STN1: variants seen among roughly 807,000 people sequenced by gnomAD.
STN1 encodes STN1 subunit of CST complex, also known as CST complex subunit STN1.
STN1 carries 29 observed loss-of-function variants against 45.5 expected under a neutral mutation model. The ratio of observed to expected loss-of-function variants is 0.64; its 90% confidence interval spans 0.47 to 0.87. The LOEUF (loss-of-function observed/expected upper bound fraction) is 0.87, where lower values mean the gene tolerates loss of function less well. Among genes scored for constraint, STN1 ranks in the 40% least tolerant of loss-of-function variants. STN1 has a pLI of 0.00. For missense variants in STN1, 376 were observed against 441.4 expected (o/e 0.85, Z 1.33); for synonymous variants, 148 against 159.0 (o/e 0.93, Z 0.52).
At chr10:103,892,404 A>C in intron 7 of STN1, 152 bp from the exon 8 acceptor site, 1 of 640,062 alleles carries the variant, frequency 1.6e-6, no homozygotes. Flanking sequence ...GCCTAGCAGG[A>C]TGGTATTTAA....
chr10:103,906,395 GC>G (rs1372789014), intron 3 of STN1, among the ~76,000 whole-genome samples: 1 of 152,224 alleles, frequency 6.6e-6, no homozygotes, highest in African/African-American at 2.4e-5. Flanking sequence ...GGTGGCTCAT[GC>G]CTATAATCCC....
At chr10:103,885,612 C>T (rs1843098327) in intron 9 of STN1, among the ~76,000 whole-genome samples, 1 of 151,926 alleles carries the variant, frequency 6.6e-6, no homozygotes. Flanking sequence ...GCTATGTTGC[C>T]CAGGCTGGTC....
Position 103,882,946 on chromosome 10 carries a change from G to C in STN1, c.950-105C>G. 4.5e-6 allele frequency: 5 copies of C among 1,108,040 alleles called. No homozygotes were observed. The South Asian group carries it at 8.2e-5, about 18-fold the overall frequency. The allele number at this position is 1,108,040 out of a possible 1,614,324, so 68.6% of individuals were successfully genotyped here. On this transcript the variant is annotated intron_variant, in intron 9 of 9. Coordinates refer to ENST00000224950, the MANE Select transcript of STN1 (RefSeq NM_024928.5). ...CTGCATTCTGACCAGATCCCCAGAT[G>C]ATCTTTATGCACATTAAAGTCAGAA...
chr10:103,895,587 C>T (rs1372995408), intron 7 of STN1, among the ~76,000 whole-genome samples: 1 of 152,210 alleles, frequency 6.6e-6, no homozygotes, highest in African/African-American at 2.4e-5. Flanking sequence ...GTGACCCTTT[C>T]CACTTTGGTG....
chr10:103,910,022 T>C (rs1197735085), intron 3 of STN1, among the ~76,000 whole-genome samples: 1 of 152,222 alleles, frequency 6.6e-6, no homozygotes, highest in Non-Finnish European at 1.5e-5. Context: ...TGAGGGAAAA[T>C]AAACTTTCTG....
intron 2 of STN1, among the ~76,000 whole-genome samples, chr10:103,910,929 CATTATACT>C (rs1156879112): frequency 6.6e-6 from 1 of 151,570 alleles, no homozygotes; most frequent in Non-Finnish European, 1.5e-5. Context: ...TGAAAACAGT[CATTATACT>C]GGGGGACCAA....
intron 6 of STN1, 121 bp from the exon 7 acceptor site, chr10:103,897,840 T>A: frequency 5.9e-6 from 5 of 853,848 alleles, no homozygotes; most frequent in Non-Finnish European, 7.2e-6. Flanking sequence ...GTTTTTCATA[T>A]ACAGAGTAAT....
chr10:103,908,891 T>A (rs1843261609), intron 3 of STN1, among the ~76,000 whole-genome samples: 1 of 150,416 alleles, frequency 6.6e-6, no homozygotes, highest in Non-Finnish European at 1.5e-5. Context: ...GCAGTTAATT[T>A]TTTTTTTTTT....
At chr10:103,909,532 A>ATATATG (rs1564635220) in intron 3 of STN1, among the ~76,000 whole-genome samples, 5 of 58,508 alleles carry the variant, frequency 8.5e-5, no homozygotes, top group Admixed American at 2.0e-4. Flanking sequence ...ATATATGTAC[A>ATATATG]TATATATGTA....
At chr10:103,896,925 T>C (rs1166292135) in intron 7 of STN1, among the ~76,000 whole-genome samples, 2 of 152,186 alleles carry the variant, frequency 1.3e-5, no homozygotes, top group African/African-American at 2.4e-5. Context: ...TTAGTATTCA[T>C]TGAGATGGAT....
chr10:103,878,500 T>C lies in STN1; in HGVS notation c.*4184A>G, dbSNP rs1353499047. 6.6e-6 allele frequency: 1 copy of C among 152,198 alleles called. No homozygotes were observed. Among genetic ancestry groups the C allele is most frequent in the African/African-American group, 2.4e-5 (1 of 41,454 alleles). 9.4% of individuals were successfully genotyped at this position (152,198 alleles called of 1,614,324 possible). A position where few individuals can be genotyped will look rare whatever the true frequency, so the allele number is the denominator to read the frequency against. ...AGCTTTATAATTTTTGTAGAAATTATATAAGGAGTCAGGAGTTTGAGACTG... is the reference window on the plus strand; with the variant it reads ...AGCTTTATAATTTTTGTAGAAATTACATAAGGAGTCAGGAGTTTGAGACTG... On this transcript the variant is annotated 3_prime_UTR_variant, in exon 10 of 10. Coordinates refer to ENST00000224950, the MANE Select transcript of STN1 (RefSeq NM_024928.5).
rs1843189992 is a variant in STN1 at position 103,899,006 on chromosome 10, A to C, written c.458-6T>G. On this transcript the variant is annotated splice_region_variant and splice_polypyrimidine_tract_variant and intron_variant, in intron 5 of 9. Transcript: ENST00000224950. ...CACTGGGTCGTCCACTTTATCTAAC[A>C]AGTGACCAGAAAAAAGATGCTACAG... The C allele has an allele frequency of 1.2e-6, 2 of 1,613,604 alleles. No homozygotes were observed. Among genetic ancestry groups the C allele is most frequent in the African/African-American group, 2.7e-5 (2 of 74,912 alleles).
chr10:103,882,705 C>G lies in STN1; in HGVS notation c.1086G>C (p.Glu362Asp), dbSNP rs150399461. The G allele has an allele frequency of 6.2e-7, 1 of 1,613,614 alleles. No individual in the cohort carries two copies. The highest frequency in any genetic ancestry group is 8.5e-7 in the Non-Finnish European group (1 of 1,179,756). The change falls in exon 10 of 10, where the codon GAG becomes GAC. Residue 362 changes from glutamate to aspartate, a missense_variant. By Grantham distance (45) the Glu-to-Asp change is conservative (BLOSUM62 2). Coordinates refer to ENST00000224950, the MANE Select transcript of STN1 (RefSeq NM_024928.5). Reference sequence around the variant, plus strand: ...CTGCTCAGAACGCTGTGTAGTAGTGCTCCATTGTGCTGACAATGTCACTCT... The same window carrying G: ...CTGCTCAGAACGCTGTGTAGTAGTGGTCCATTGTGCTGACAATGTCACTCT... ...EDQSDIVSTM[E>D]HYYTAF
intron 7 of STN1, among the ~76,000 whole-genome samples, chr10:103,895,922 G>T (rs1564632801): frequency 1.3e-5 from 2 of 152,214 alleles, no homozygotes; most frequent in Non-Finnish European, 2.9e-5. Flanking sequence ...GGCTAGGAAA[G>T]AATCTGTGAG....
intron 3 of STN1, among the ~76,000 whole-genome samples, chr10:103,906,475 AG>A (rs1251185832): frequency 6.6e-6 from 1 of 152,118 alleles, no homozygotes. Context: ...TGGGCAACAC[AG>A]GGAGACCCCG....
chr10:103,892,379 T>C, intron 7 of STN1, 127 bp from the exon 8 acceptor site: 1 of 793,374 alleles, frequency 1.3e-6, no homozygotes, highest in Non-Finnish European at 1.9e-6. Flanking sequence ...GTCAAAAAGA[T>C]CCTGGTATGT....
intron 7 of STN1, among the ~76,000 whole-genome samples, chr10:103,893,256 C>T (rs1843151938): frequency 6.6e-6 from 1 of 152,218 alleles, no homozygotes; most frequent in South Asian, 2.1e-4. Context: ...GCAAGCTCCA[C>T]CTCCTGGATT....
chr10:103,902,451 A>AT (rs2134368582), intron 4 of STN1, among the ~76,000 whole-genome samples: 1 of 152,322 alleles, frequency 6.6e-6, no homozygotes, highest in South Asian at 2.1e-4. Flanking sequence ...CCTTTCACTT[A>AT]AAGGGTGAGC....
At chr10:103,909,570 A>G (rs1843276856) in intron 3 of STN1, among the ~76,000 whole-genome samples, 1 of 147,958 alleles carries the variant, frequency 6.8e-6, no homozygotes, top group Non-Finnish European at 1.5e-5. Context: ...AAAAAGCAGA[A>G]AAAATAAGCT....
Sources: gnomAD v4.1 joint callset for allele counts (sites outside exome capture counted in the v4.1 genomes callset) on GRCh38, gnomAD v4.1.1 for gene constraint, MANE v1.5 for transcripts, NCBI Gene and HGNC (gene_info 2026-07-23, HGNC 2026-07-21) for gene names.